The following CERS4 variants were observed in gnomAD, a reference collection of about 807,000 sequenced individuals.
The protein encoded by CERS4 is ceramide synthase 4.
Under a neutral mutation model 51.8 loss-of-function variants are expected in CERS4, and 65 were observed. The ratio of observed to expected loss-of-function variants is 1.26; its 90% CI spans 1.03 to 1.54. CERS4 has a LOEUF of 1.54. Among genes scored for constraint, CERS4 ranks in the 40% most tolerant of loss-of-function variants. The probability of loss-of-function intolerance (pLI) is 0.00; values close to 1 mark genes in which losing one functional copy is unlikely to be tolerated. For synonymous variants in CERS4, 228 were observed against 208.4 expected, an observed-to-expected ratio of 1.09 and a Z score of -0.81; for missense variants, 563 against 500.4, an observed-to-expected ratio of 1.13 and a Z score of -1.19.
intron 2 of CERS4, among the ~76,000 whole-genome samples, chr19:8,227,422 T>C (rs1967832963): frequency 6.6e-6 from 1 of 151,614 alleles, no homozygotes. Flanking sequence ...ACCTCTGCCT[T>C]GATCTTGGCT....
At chr19:8,245,654 C>T (rs1246920068) in intron 2 of CERS4, among the ~76,000 whole-genome samples, 1 of 151,992 alleles carries the variant, frequency 6.6e-6, no homozygotes, top group Non-Finnish European at 1.5e-5. Flanking sequence ...ATTCTCCTGC[C>T]TCAGCCTCCT....
chr19:8,255,747 TG>T (rs1969341470), intron 5 of CERS4, 22 bp downstream of exon 5: 1 of 1,317,166 alleles, frequency 7.6e-7, no homozygotes, highest in African/African-American at 1.6e-5. Flanking sequence ...ATGGGGCTTC[TG>T]GGGTGCAGGG....
intron 10 of CERS4, chr19:8,261,238 CTT>C (rs1051195463): frequency 2.4e-5 from 4 of 165,280 alleles, no homozygotes; most frequent in South Asian, 1.6e-4. Context: ...CCCCGCCCCT[CTT>C]AAACTCTGGG....
intron 2 of CERS4, chr19:8,250,863 A>T: frequency 1.4e-6 from 2 of 1,383,264 alleles, no homozygotes; most frequent in South Asian, 3.7e-5. Flanking sequence ...ATGGAGTGGG[A>T]GTGATGAGAA....
At chr19:8,222,779 T>G (rs529998139) in intron 2 of CERS4, among the ~76,000 whole-genome samples, 1 of 152,228 alleles carries the variant, frequency 6.6e-6, no homozygotes, top group South Asian at 2.1e-4. Flanking sequence ...ATTACAGGTG[T>G]CAGCCACTGT....
intron 2 of CERS4, among the ~76,000 whole-genome samples, chr19:8,246,699 C>T (rs919463466): frequency 6.6e-6 from 1 of 152,064 alleles, no homozygotes; most frequent in East Asian, 1.9e-4. Flanking sequence ...CTTTGAAATG[C>T]ATCGGGAACA....
At chr19:8,220,309 T>C (rs1274135860) in intron 2 of CERS4, among the ~76,000 whole-genome samples, 1 of 150,378 alleles carries the variant, frequency 6.6e-6, no homozygotes, top group Admixed American at 6.6e-5. Flanking sequence ...AGCCTCCCTC[T>C]CTCTTCTTTT....
chr19:8,258,374 G>C (rs1451323259), intron 10 of CERS4, among the ~76,000 whole-genome samples: 2 of 152,182 alleles, frequency 1.3e-5, no homozygotes, highest in East Asian at 1.9e-4. Context: ...GCAGCCACGT[G>C]AACTGCACAG....
chr19:8,246,755 G>A (rs1968805775), intron 2 of CERS4, among the ~76,000 whole-genome samples: 1 of 152,094 alleles, frequency 6.6e-6, no homozygotes, highest in Non-Finnish European at 1.5e-5. Context: ...GGCAGAGGCA[G>A]ATGGGTGATG....
chr19:8,250,922 C>T, intron 2 of CERS4, 154 bp from the exon 3 acceptor site: 1 of 1,457,190 alleles, frequency 6.9e-7, no homozygotes, highest in Non-Finnish European at 9.0e-7. Context: ...AAGTCCCAGG[C>T]AAGGGGAGTT....
intron 2 of CERS4, chr19:8,239,685 C>G (rs1228387019): frequency 6.6e-6 from 1 of 152,116 alleles, no homozygotes; most frequent in Non-Finnish European, 1.5e-5. Context: ...CTTGGGCTTC[C>G]CAGTTCCCAC....
At chr19:8,256,557 A>C in intron 7 of CERS4, 61 bp from the exon 8 acceptor site, 2 of 1,492,546 alleles carry the variant, frequency 1.3e-6, no homozygotes, top group Non-Finnish European at 1.8e-6. Context: ...GCCCGGAGCC[A>C]TACCCCTGCC....
chr19:8,254,287 C>T (rs1314871115), intron 3 of CERS4, among the ~76,000 whole-genome samples: 1 of 136,538 alleles, frequency 7.3e-6, no homozygotes, highest in Non-Finnish European at 1.5e-5. Flanking sequence ...CGCGCCACTG[C>T]ACTCCAGCCT....
chr19:8,245,122 A>AAAAACAAAAAAAAAAAAAAAAC (rs1555777239), intron 2 of CERS4, among the ~76,000 whole-genome samples: 1 of 129,258 alleles, frequency 7.7e-6, no homozygotes, highest in African/African-American at 3.2e-5. Flanking sequence ...AAAAAAAAAA[A>AAAAACAAAAAAAAAAAAAAAAC]AAAAAAAAAA....
intron 2 of CERS4, among the ~76,000 whole-genome samples, chr19:8,211,064 A>C (rs1967066094): frequency 6.6e-6 from 1 of 151,874 alleles, no homozygotes; most frequent in Non-Finnish European, 1.5e-5. Flanking sequence ...AAGGAACCGG[A>C]GAGGGTTCTA....
intron 3 of CERS4, among the ~76,000 whole-genome samples, chr19:8,253,264 G>A (rs1004651218): frequency 1.8e-4 from 28 of 152,292 alleles, no homozygotes; most frequent in South Asian, 1.0e-3. Flanking sequence ...GGCTTGGAGC[G>A]GGAACAGCCC....
At chr19:8,250,807 C>T in intron 2 of CERS4, 1 of 1,199,914 alleles carries the variant, frequency 8.3e-7, no homozygotes, top group Non-Finnish European at 1.0e-6. Flanking sequence ...AAGTCATTTG[C>T]CTGAGGACAC....
At chr19:8,245,111 C>CAAAAAAAAAAAAAA (rs74179480) in intron 2 of CERS4, among the ~76,000 whole-genome samples, 5 of 21,762 alleles carry the variant, frequency 2.3e-4, no homozygotes, top group African/African-American at 5.1e-4. Flanking sequence ...GACTCCATCT[C>CAAAAAAAAAAAAAA]AAAAAAAAAA....
intron 10 of CERS4, 79 bp from the exon 11 acceptor site, chr19:8,261,609 A>G: frequency 6.5e-7 from 1 of 1,542,602 alleles, no homozygotes; most frequent in South Asian, 1.1e-5. Flanking sequence ...AGGGAAGGCC[A>G]TGCCAGTTAG....
Sources: allele counts gnomAD v4.1 joint callset (sites outside exome capture counted in the v4.1 genomes callset), GRCh38; gene constraint gnomAD v4.1.1; transcripts MANE v1.5; gene names NCBI Gene and HGNC (gene_info 2026-07-23, HGNC 2026-07-21).